Variants in TICRR observed in about 807,000 individuals in gnomAD.
TICRR encodes treslin.
A neutral mutation model predicts 178.1 loss-of-function variants in TICRR; 132 were observed. That is an observed-to-expected ratio of 0.74 (90% CI 0.64 to 0.86). The LOEUF (loss-of-function observed/expected upper bound fraction) is 0.86, where lower values mean the gene tolerates loss of function less well. Among genes scored for constraint, TICRR ranks in the 40% least tolerant of loss-of-function variants. The pLI is 0.00. For missense variants in TICRR, 2,587 were observed against 2,334.3 expected, an observed-to-expected ratio of 1.11 and a Z score of -2.23; for synonymous variants, 991 against 900.7, an observed-to-expected ratio of 1.10 and a Z score of -1.79.
chr15:89,580,623 A>G (rs988564648), intron 1 of TICRR, among the ~76,000 whole-genome samples: 2 of 152,210 alleles, frequency 1.3e-5, no homozygotes, highest in Non-Finnish European at 2.9e-5. Context: ...GCTCCAATAC[A>G]TTGTTTATCT....
At chr15:89,611,183 G>C (rs1345595437) in intron 15 of TICRR, among the ~76,000 whole-genome samples, 1 of 151,818 alleles carries the variant, frequency 6.6e-6, no homozygotes, top group East Asian at 1.9e-4. Context: ...TTTTCTTACA[G>C]GGTAAGTCTA....
chr15:89,622,993 C>T lies in TICRR; in HGVS notation c.3313-630C>T, dbSNP rs554338281. Reference sequence around the variant, plus strand: ...CACTGAACAGGAAATGCCAGCTAGACTGAGAGTCCCCTGACGGGATGAAGG... The same window carrying T: ...CACTGAACAGGAAATGCCAGCTAGATTGAGAGTCCCCTGACGGGATGAAGG... On this transcript the variant is annotated intron_variant, in intron 19 of 21. Coordinates refer to ENST00000268138, the MANE Select transcript of TICRR (RefSeq NM_152259.4). Among the ~76,000 whole-genome samples, 6 of 152,324 alleles carry T rather than the reference C, an allele frequency of 3.9e-5. No individual in the cohort carries two copies. The South Asian group carries it at 1.0e-3, about 26-fold the overall frequency.
At chr15:89,604,719 T>C (rs1963148859) in intron 13 of TICRR, among the ~76,000 whole-genome samples, 1 of 144,698 alleles carries the variant, frequency 6.9e-6, no homozygotes, top group African/African-American at 2.6e-5. Context: ...TGCAATGAAC[T>C]ATGATGAAGC....
intron 4 of TICRR, among the ~76,000 whole-genome samples, chr15:89,587,390 A>G (rs1178036846): frequency 1.3e-5 from 2 of 152,182 alleles, no homozygotes; most frequent in East Asian, 3.9e-4. Context: ...GGGAGTCATC[A>G]GTGATGTTTT....
At chr15:89,609,218 C>A (rs138510369) in intron 15 of TICRR, among the ~76,000 whole-genome samples, 1 of 145,226 alleles carries the variant, frequency 6.9e-6, no homozygotes, top group African/African-American at 2.5e-5. Flanking sequence ...TCAAGTGATT[C>A]TCCCACCTCA....
rs1335394272 is a variant in TICRR at position 89,601,551 on chromosome 15, G to A, written c.2310G>A (p.Leu770=). ...TEDSAYLAEF[L]EEILRLYIDS... Reference sequence around the variant, plus strand: ...ATTCAGCGTACCTAGCAGAGTTTCTGGAGGAAATTTTGAGATTGTAAGTTT... The same window carrying A: ...ATTCAGCGTACCTAGCAGAGTTTCTAGAGGAAATTTTGAGATTGTAAGTTT... Residue 770 remains leucine (L), a synonymous_variant, in exon 11 of 22, where the codon CTG becomes CTA. Coordinates refer to ENST00000268138, the MANE Select transcript of TICRR (RefSeq NM_152259.4). The A allele has an allele frequency of 9.3e-6, 15 of 1,614,020 alleles. No homozygotes were observed. The highest frequency in any genetic ancestry group is 1.3e-5 in the Non-Finnish European group (15 of 1,180,018).
chr15:89,597,730 C>T (rs768179348), intron 7 of TICRR, among the ~76,000 whole-genome samples: 1 of 152,008 alleles, frequency 6.6e-6, no homozygotes, highest in Non-Finnish European at 1.5e-5. Flanking sequence ...CTGGGTCTTT[C>T]GCCTCTTCAT....
intron 4 of TICRR, 148 bp from the exon 5 acceptor site, chr15:89,591,899 T>G: frequency 1.8e-6 from 1 of 568,896 alleles, no homozygotes; most frequent in Non-Finnish European, 3.0e-6. Flanking sequence ...TGTAGCAGTT[T>G]GTGGTGCCGG....
chr15:89,597,011 G>C (rs1336205975), intron 7 of TICRR, among the ~76,000 whole-genome samples: 1 of 152,150 alleles, frequency 6.6e-6, no homozygotes, highest in Non-Finnish European at 1.5e-5. Flanking sequence ...TGGTCTGTAA[G>C]ATTGATTCTT....
At chr15:89,581,069 G>A (rs550419859) in intron 1 of TICRR, among the ~76,000 whole-genome samples, 1 of 152,140 alleles carries the variant, frequency 6.6e-6, no homozygotes, top group Non-Finnish European at 1.5e-5. Context: ...AGTCTATTCA[G>A]AACAGTCCTG....
In TICRR at chr15:89,606,842, G is replaced by C; in HGVS notation, c.2722+17G>C. On this transcript the variant is annotated intron_variant, in intron 14 of 21. Coordinates refer to ENST00000268138, the MANE Select transcript of TICRR (RefSeq NM_152259.4). ...CAGTGCAAGGTATACTGTTTTCTCAGTGTATGTATTTATTCACTAGCATGA... is the reference window on the plus strand; with the variant it reads ...CAGTGCAAGGTATACTGTTTTCTCACTGTATGTATTTATTCACTAGCATGA... The C allele has an allele frequency of 6.2e-7, 1 of 1,609,760 alleles. No homozygotes were observed. The highest frequency in any genetic ancestry group is 8.5e-7 in the Non-Finnish European group (1 of 1,176,408).
rs773741717 is a variant in TICRR at position 89,592,152 on chromosome 15, G to C, written c.1517G>C (p.Ser506Thr). 6 of 1,611,552 alleles carry C rather than the reference G, an allele frequency of 3.7e-6. No individual in the cohort carries two copies. In the South Asian group the frequency reaches 6.6e-5, roughly 18 times the overall value. Residue 506 changes from serine to threonine, a missense_variant, in exon 5 of 22, where the codon AGT becomes ACT. By Grantham distance (58) the Ser-to-Thr change is moderately conservative (BLOSUM62 1). Transcript: ENST00000268138. Reference sequence around the variant, plus strand: ...CCTTTCTGTAACATCAGTGGTGCCAGTTCCGATTTGATGGAGTCATTTGGG... The same window carrying C: ...CCTTTCTGTAACATCAGTGGTGCCACTTCCGATTTGATGGAGTCATTTGGG... ...WFPFCNISGA[S>T]SDLMESFGLL...
intron 5 of TICRR, among the ~76,000 whole-genome samples, chr15:89,593,707 G>A (rs2141959845): frequency 6.6e-6 from 1 of 152,276 alleles, no homozygotes; most frequent in Non-Finnish European, 1.5e-5. Context: ...CACACTTAGG[G>A]AGGATTAATC....
intron 6 of TICRR, among the ~76,000 whole-genome samples, chr15:89,595,080 T>G (rs1014845782): frequency 2.0e-5 from 3 of 152,212 alleles, no homozygotes; most frequent in Non-Finnish European, 4.4e-5. Context: ...TTCATCACCA[T>G]TTTTCGTGGC....
chr15:89,626,055 C>T lies in TICRR; in HGVS notation c.5596C>T (p.Pro1866Ser). Residue 1866 changes from proline (P) to serine (S), a missense_variant, in exon 21 of 22, where the codon CCC becomes TCC. By Grantham distance (74) the Pro-to-Ser change is moderately conservative (BLOSUM62 -1). Transcript: ENST00000268138. Reference protein sequence around the residue: ...GKTPSSQSKDPRDEDVDVLPS... With the variant: ...GKTPSSQSKDSRDEDVDVLPS... ...AACACCTTCCTCTCAGAGCAAAGACCCCAGAGGTAATGTTTGTTGAAGGTC... is the reference window on the plus strand; with the variant it reads ...AACACCTTCCTCTCAGAGCAAAGACTCCAGAGGTAATGTTTGTTGAAGGTC... 1 of 1,613,792 alleles carries T rather than the reference C, an allele frequency of 6.2e-7. No homozygotes were observed. The highest frequency in any genetic ancestry group is 1.1e-5 in the South Asian group (1 of 91,034).
At chr15:89,598,386 G>T (rs1942256092) in intron 7 of TICRR, among the ~76,000 whole-genome samples, 1 of 152,044 alleles carries the variant, frequency 6.6e-6, no homozygotes, top group Admixed American at 6.6e-5. Flanking sequence ...TTTTGAGACG[G>T]AGTTTCACTC....
intron 15 of TICRR, among the ~76,000 whole-genome samples, 165 bp from the exon 16 acceptor site, chr15:89,616,240 T>C (rs1963333470): frequency 6.6e-6 from 1 of 152,226 alleles, no homozygotes; most frequent in Admixed American, 6.5e-5. Context: ...GACAAACTTC[T>C]ATCATGTTGA....
At chr15:89,615,020 T>C (rs571211913) in intron 15 of TICRR, among the ~76,000 whole-genome samples, 1 of 152,354 alleles carries the variant, frequency 6.6e-6, no homozygotes, top group African/African-American at 2.4e-5. Context: ...GCTACACGTG[T>C]GTGGACTTTT....
In TICRR at chr15:89,621,964, T is replaced by C. The variant is rs1008055025; in HGVS notation, c.3312+414T>C. On this transcript the variant is annotated intron_variant, in intron 19 of 21. Transcript: ENST00000268138. ...AGCCAATCAGTCGAGTCCTGCCCAT[T>C]TTATTTACAAACTGACTCTTTTTTT... is the stretch of plus-strand genomic sequence containing the variant. Among the ~76,000 whole-genome samples the C allele has an allele frequency of 2.0e-5, 3 of 150,958 alleles. No homozygotes were observed. The South Asian group carries it at 6.2e-4, about 31-fold the overall frequency.
Sources: allele counts gnomAD v4.1 joint callset (sites outside exome capture counted in the v4.1 genomes callset), GRCh38; gene constraint gnomAD v4.1.1; transcripts MANE v1.5; gene names NCBI Gene and HGNC (gene_info 2026-07-23, HGNC 2026-07-21).